Variants in AUTS2 observed in about 807,000 individuals in gnomAD.
The protein encoded by AUTS2 is autism susceptibility gene 2 protein.
A neutral mutation model predicts 112.4 loss-of-function variants in AUTS2; 17 were observed. The ratio of observed to expected loss-of-function variants is 0.15; its 90% CI spans 0.10 to 0.23. The LOEUF is 0.23. Ranked by LOEUF, AUTS2 falls within the 10% of genes least tolerant of loss-of-function variation. AUTS2 has a pLI of 1.00. For synonymous variants in AUTS2, 751 were observed against 702.7 expected (o/e 1.07, Z -1.09); for missense variants, 1,510 against 1,701.6 (o/e 0.89, Z 1.98).
At chr7:70,540,589 CTG>C (rs1307827078) in intron 5 of AUTS2, among the ~76,000 whole-genome samples, 1 of 152,170 alleles carries the variant, frequency 6.6e-6, no homozygotes, top group African/African-American at 2.4e-5. Flanking sequence ...AGATCACGTG[CTG>C]TGTTTGGTGG....
intron 6 of AUTS2, among the ~76,000 whole-genome samples, chr7:70,759,745 G>A (rs1003823685): frequency 3.3e-5 from 5 of 152,180 alleles, no homozygotes; most frequent in Admixed American, 1.3e-4. Context: ...CTGCAAGCTT[G>A]GCTGTGTTAT....
Position 70,396,005 on chromosome 7 carries a change from A to G in AUTS2, c.661-39747A>G, listed in dbSNP as rs549123051. Among the ~76,000 whole-genome samples the G allele has an allele frequency of 5.9e-5, 9 of 152,276 alleles. No individual in the cohort carries two copies. The South Asian group carries it at 1.9e-3, about 32-fold the overall frequency. On this transcript the variant is annotated intron_variant, in intron 4 of 18. Coordinates refer to ENST00000342771, the MANE Select transcript of AUTS2 (RefSeq NM_015570.4). ...AAAGTTAAAGGAAAAAGTCATAAAG[A>G]AGAAAATATGCTATCTACACTTAAT... is the stretch of plus-strand genomic sequence containing the variant.
intron 2 of AUTS2, among the ~76,000 whole-genome samples, chr7:70,017,659 C>G (rs7800759): frequency 6.6e-6 from 1 of 151,940 alleles, no homozygotes; most frequent in Non-Finnish European, 1.5e-5. Context: ...AGAAGATGTT[C>G]TGCTCAGACA....
chr7:70,638,447 C>T (rs1372931685), intron 5 of AUTS2, among the ~76,000 whole-genome samples: 2 of 152,158 alleles, frequency 1.3e-5, no homozygotes, highest in Non-Finnish European at 2.9e-5. Flanking sequence ...ATTCAGGGGG[C>T]CAAACTTTGC....
intron 6 of AUTS2, among the ~76,000 whole-genome samples, chr7:70,733,019 C>T (rs1175708497): frequency 6.6e-6 from 1 of 152,198 alleles, no homozygotes; most frequent in African/African-American, 2.4e-5. Context: ...CAGGGCTGTG[C>T]TTCCTAATCA....
chr7:70,073,079 C>T (rs1295167110), intron 2 of AUTS2, among the ~76,000 whole-genome samples: 1 of 138,186 alleles, frequency 7.2e-6, no homozygotes, highest in East Asian at 2.4e-4. Flanking sequence ...CCCCTCTCCT[C>T]CCCTCCTTTC....
At chr7:70,775,509 T>C (rs1790628139) in intron 13 of AUTS2, 123 bp downstream of exon 13, 3 of 798,792 alleles carry the variant, frequency 3.8e-6, no homozygotes, top group Non-Finnish European at 6.0e-6. Flanking sequence ...GGAATGACGG[T>C]GATTGGGTTT....
intron 1 of AUTS2, among the ~76,000 whole-genome samples, chr7:69,868,545 T>A (rs1793340766): frequency 6.6e-6 from 1 of 152,180 alleles, no homozygotes; most frequent in Non-Finnish European, 1.5e-5. Context: ...AAACTAATTA[T>A]GAAGCTAAAT....
intron 4 of AUTS2, among the ~76,000 whole-genome samples, chr7:70,387,222 C>A (rs1217391286): frequency 6.6e-6 from 1 of 152,202 alleles, no homozygotes; most frequent in Non-Finnish European, 1.5e-5. Context: ...CACTTCACTT[C>A]TTGCAGCCAT....
intron 2 of AUTS2, among the ~76,000 whole-genome samples, chr7:70,054,773 A>G (rs1306745111): frequency 6.6e-6 from 1 of 152,154 alleles, no homozygotes; most frequent in African/African-American, 2.4e-5. Flanking sequence ...ACTATTGACT[A>G]ATAGTAATCA....
chr7:70,105,713 T>C (rs1164763347), intron 2 of AUTS2, among the ~76,000 whole-genome samples: 2 of 152,202 alleles, frequency 1.3e-5, no homozygotes, highest in African/African-American at 4.8e-5. Flanking sequence ...CCTGTGTTGA[T>C]AGCCAAACAG....
intron 4 of AUTS2, among the ~76,000 whole-genome samples, chr7:70,303,410 A>ACG (rs1276659057): frequency 1.2e-4 from 17 of 146,846 alleles, no homozygotes; most frequent in African/African-American, 4.3e-4. Flanking sequence ...ACATGTGTGC[A>ACG]CGCACACACA....
rs369740729 is a variant in AUTS2 at position 70,123,742 on chromosome 7, A to G, written c.624+5509A>G. Among the ~76,000 whole-genome samples the G allele has an allele frequency of 3.5e-4, 53 of 152,118 alleles. No homozygotes were observed. In the South Asian group the frequency reaches 0.01, roughly 30 times the overall value. ...ACATATACCAAATTTTCTTTATCCAATCTGTCATTGATGGGCATTTAGGTG... is the reference window on the plus strand; with the variant it reads ...ACATATACCAAATTTTCTTTATCCAGTCTGTCATTGATGGGCATTTAGGTG... On this transcript the variant is annotated intron_variant, in intron 3 of 18. Coordinates refer to ENST00000342771, the MANE Select transcript of AUTS2 (RefSeq NM_015570.4).
intron 1 of AUTS2, among the ~76,000 whole-genome samples, chr7:69,845,114 CT>C (rs1792139387): frequency 6.6e-6 from 1 of 152,142 alleles, no homozygotes; most frequent in South Asian, 2.1e-4. Flanking sequence ...TAGAATTCAC[CT>C]TCAGGCTTCT....
chr7:69,870,807 C>T (rs1793462794), intron 1 of AUTS2, among the ~76,000 whole-genome samples: 1 of 152,048 alleles, frequency 6.6e-6, no homozygotes, highest in Admixed American at 6.6e-5. Flanking sequence ...TCTCTCTCAA[C>T]TTTTTATGGT....
At chr7:70,081,935 A>AGT (rs3049737) in intron 2 of AUTS2, among the ~76,000 whole-genome samples, 6,291 of 146,806 alleles carry the variant, frequency 0.043, 168 homozygotes, top group African/African-American at 0.075. Flanking sequence ...TTCTGTGAAG[A>AGT]GTGTGTGTGT....
At chr7:69,917,960 A>C (rs1795657158) in intron 2 of AUTS2, among the ~76,000 whole-genome samples, 1 of 152,018 alleles carries the variant, frequency 6.6e-6, no homozygotes, top group Non-Finnish European at 1.5e-5. Flanking sequence ...CTTCTGCCTC[A>C]GCCTCCCTAG....
intron 1 of AUTS2, among the ~76,000 whole-genome samples, chr7:69,855,390 A>G (rs1048811041): frequency 6.6e-6 from 1 of 152,226 alleles, no homozygotes; most frequent in Non-Finnish European, 1.5e-5. Context: ...TTTATAGACA[A>G]GAAACCTGAC....
intron 1 of AUTS2, among the ~76,000 whole-genome samples, chr7:69,786,172 G>A: frequency 6.6e-6 from 1 of 152,162 alleles, no homozygotes; most frequent in Non-Finnish European, 1.5e-5. Flanking sequence ...CTCTGTGTCT[G>A]GCTAAAGGAT....
Sources: allele counts gnomAD v4.1 joint callset (sites outside exome capture counted in the v4.1 genomes callset), GRCh38; gene constraint gnomAD v4.1.1; transcripts MANE v1.5; gene names NCBI Gene and HGNC (gene_info 2026-07-23, HGNC 2026-07-21).